Variants in SEMA5A observed in about 807,000 individuals in gnomAD.
SEMA5A encodes semaphorin-5A.
A neutral mutation model predicts 135.5 loss-of-function variants in SEMA5A; 55 were observed. The observed-to-expected ratio is 0.41, with a 90% CI of 0.33 to 0.51. The LOEUF (loss-of-function observed/expected upper bound fraction) is 0.51. SEMA5A is among the 20% of genes least tolerant of loss of function. SEMA5A has a pLI of 0.37. For synonymous variants in SEMA5A, 580 were observed against 546.5 expected (o/e 1.06, Z -0.85); for missense variants, 1,290 against 1,419.9 (o/e 0.91, Z 1.47).
At chr5:9,365,520 A>G (rs1754878289) in intron 3 of SEMA5A, among the ~76,000 whole-genome samples, 1 of 152,014 alleles carries the variant, frequency 6.6e-6, no homozygotes. Flanking sequence ...TTGCATTAGT[A>G]TATTATTTAT....
At chr5:9,301,421 TA>T (rs1751605151) in intron 5 of SEMA5A, among the ~76,000 whole-genome samples, 1 of 152,156 alleles carries the variant, frequency 6.6e-6, no homozygotes, top group African/African-American at 2.4e-5. Context: ...TGGCAAGTGA[TA>T]AAAACTCAAT....
At chr5:9,309,533 G>A (rs1042821002) in intron 5 of SEMA5A, among the ~76,000 whole-genome samples, 8 of 152,106 alleles carry the variant, frequency 5.3e-5, no homozygotes, top group Non-Finnish European at 1.0e-4. Flanking sequence ...TCCTCCACTC[G>A]AATTTGTCTT....
At chr5:9,520,446 A>G (rs527825665) in intron 1 of SEMA5A, among the ~76,000 whole-genome samples, 1 of 152,200 alleles carries the variant, frequency 6.6e-6, no homozygotes, top group African/African-American at 2.4e-5. Flanking sequence ...AGGACAGGGC[A>G]CTGGGGCGGA....
intron 1 of SEMA5A, among the ~76,000 whole-genome samples, chr5:9,473,016 G>A (rs980647344): frequency 4.7e-5 from 7 of 149,280 alleles, no homozygotes; most frequent in Admixed American, 1.3e-4. Context: ...TTTCCTTACC[G>A]GTGGCCATTT....
intron 1 of SEMA5A, among the ~76,000 whole-genome samples, chr5:9,478,083 T>C (rs1759739369): frequency 6.6e-6 from 1 of 152,234 alleles, no homozygotes; most frequent in South Asian, 2.1e-4. Flanking sequence ...GCTTGGGCTA[T>C]TGCTTCAGAA....
At chr5:9,222,567 G>T (rs181787122) in intron 8 of SEMA5A, among the ~76,000 whole-genome samples, 1 of 152,280 alleles carries the variant, frequency 6.6e-6, no homozygotes, top group Non-Finnish European at 1.5e-5. Context: ...TGGCCTGAGT[G>T]GTAGAGCCAC....
At chr5:9,092,429 G>T (rs1739087731) in intron 16 of SEMA5A, among the ~76,000 whole-genome samples, 1 of 152,174 alleles carries the variant, frequency 6.6e-6, no homozygotes, top group African/African-American at 2.4e-5. Context: ...ATCAATTCTT[G>T]CCTGTGGGGA....
At chr5:9,166,802 T>C (rs1743634704) in intron 11 of SEMA5A, among the ~76,000 whole-genome samples, 1 of 152,218 alleles carries the variant, frequency 6.6e-6, no homozygotes, top group African/African-American at 2.4e-5. Context: ...TAAACTCTCA[T>C]CTAACCCACA....
intron 5 of SEMA5A, among the ~76,000 whole-genome samples, chr5:9,314,364 T>C (rs932038403): frequency 7.1e-6 from 1 of 140,764 alleles, no homozygotes; most frequent in African/African-American, 3.0e-5. Context: ...GTTTGAAGAC[T>C]GAGTTCCAGA....
intron 4 of SEMA5A, among the ~76,000 whole-genome samples, chr5:9,335,303 C>A (rs1447834492): frequency 6.6e-6 from 1 of 152,192 alleles, no homozygotes; most frequent in Non-Finnish European, 1.5e-5. Context: ...GGATGAAGAC[C>A]TCCTGGGACA....
intron 5 of SEMA5A, among the ~76,000 whole-genome samples, chr5:9,238,919 T>A (rs1748056846): frequency 6.6e-6 from 1 of 152,142 alleles, no homozygotes; most frequent in Non-Finnish European, 1.5e-5. Flanking sequence ...TGTCAAATAA[T>A]AAACTAAACC....
intron 1 of SEMA5A, among the ~76,000 whole-genome samples, chr5:9,521,672 T>G (rs1261241440): frequency 1.3e-5 from 2 of 152,154 alleles, no homozygotes; most frequent in Non-Finnish European, 2.9e-5. Context: ...AATGATTATG[T>G]TTTTCCCTAT....
chr5:9,366,610 C>G (rs1411990674), intron 3 of SEMA5A, among the ~76,000 whole-genome samples: 1 of 152,128 alleles, frequency 6.6e-6, no homozygotes, highest in East Asian at 1.9e-4. Flanking sequence ...GGACGGTCTC[C>G]ATCTCCTGAC....
intron 1 of SEMA5A, among the ~76,000 whole-genome samples, chr5:9,503,019 G>C (rs550374605): frequency 1.3e-5 from 2 of 152,270 alleles, no homozygotes; most frequent in African/African-American, 4.8e-5. Flanking sequence ...ATTTTGCACT[G>C]TGTCCAAATA....
At chr5:9,347,292 G>A (rs528354118) in intron 3 of SEMA5A, among the ~76,000 whole-genome samples, 1 of 152,166 alleles carries the variant, frequency 6.6e-6, no homozygotes, top group Non-Finnish European at 1.5e-5. Flanking sequence ...TGATTTTGTT[G>A]CATTAACACA....
chr5:9,174,103 A>G (rs561104180), intron 11 of SEMA5A, among the ~76,000 whole-genome samples: 6 of 152,358 alleles, frequency 3.9e-5, no homozygotes, highest in Middle Eastern at 3.4e-3. Flanking sequence ...CTGATGTTAC[A>G]TCTCTGCAAG....
chr5:9,095,833 T>C (rs914046735), intron 16 of SEMA5A, among the ~76,000 whole-genome samples: 1 of 152,232 alleles, frequency 6.6e-6, no homozygotes, highest in African/African-American at 2.4e-5. Context: ...ACGAGTATAA[T>C]GCAATCAAAA....
At chr5:9,500,902 C>G (rs1488760713) in intron 1 of SEMA5A, among the ~76,000 whole-genome samples, 2 of 152,100 alleles carry the variant, frequency 1.3e-5, no homozygotes, top group Non-Finnish European at 2.9e-5. Context: ...TCTAATCTGG[C>G]GTTGACTGTA....
intron 5 of SEMA5A, among the ~76,000 whole-genome samples, chr5:9,269,548 A>G (rs1337002224): frequency 6.6e-6 from 1 of 152,126 alleles, no homozygotes; most frequent in African/African-American, 2.4e-5. Context: ...CCTAATTACC[A>G]AAAAATGGTG....
Sources: allele counts gnomAD v4.1 joint callset (sites outside exome capture counted in the v4.1 genomes callset), GRCh38; gene constraint gnomAD v4.1.1; transcripts MANE v1.5; gene names NCBI Gene and HGNC (gene_info 2026-07-23, HGNC 2026-07-21).